The following SEMA6D variants were observed in gnomAD, a reference collection of about 807,000 sequenced individuals.
SEMA6D encodes the protein semaphorin 6D, also known as semaphorin-6D.
In SEMA6D, 35 loss-of-function variants were observed where a neutral mutation model predicts 106.6. The ratio of observed to expected loss-of-function variants is 0.33; its 90% CI spans 0.25 to 0.44. The LOEUF (loss-of-function observed/expected upper bound fraction) is 0.44, where lower values mean the gene tolerates loss of function less well. Ranked by LOEUF, SEMA6D falls within the 20% of genes least tolerant of loss-of-function variation. The pLI, the probability that SEMA6D is intolerant of heterozygous loss-of-function variation, is 1.00. For missense variants in SEMA6D, 1,185 were observed against 1,345.9 expected, an observed-to-expected ratio of 0.88 and a Z score of 1.87; for synonymous variants, 499 against 487.7, an observed-to-expected ratio of 1.02 and a Z score of -0.31.
intron 1 of SEMA6D, among the ~76,000 whole-genome samples, chr15:47,351,114 G>A (rs1267090216): frequency 2.0e-5 from 3 of 152,062 alleles, no homozygotes; most frequent in South Asian, 4.2e-4. Context: ...TCTTGTCTCT[G>A]TTTCTCTGCA....
intron 3 of SEMA6D, among the ~76,000 whole-genome samples, chr15:47,504,017 C>T (rs574167871): frequency 1.3e-5 from 2 of 152,216 alleles, no homozygotes; most frequent in East Asian, 1.9e-4. Flanking sequence ...GTAGGAACCC[C>T]GAGGCTCAGT....
intron 3 of SEMA6D, among the ~76,000 whole-genome samples, chr15:47,496,796 T>A (rs546480008): frequency 3.3e-5 from 5 of 152,178 alleles, no homozygotes; most frequent in Admixed American, 6.6e-5. Flanking sequence ...TCTCACCTAC[T>A]TGACCTTCAC....
chr15:47,506,293 G>A lies in SEMA6D; in HGVS notation c.-87+35748G>A, dbSNP rs2044035242. On this transcript the variant is annotated intron_variant, in intron 3 of 19. Coordinates refer to the SEMA6D transcript ENST00000558014. ...ATCTGATCTTAGAGGGCACCTTTAG[G>A]TTTGTTTTGCCTTTTCCTAAATCCA... is the stretch of plus-strand genomic sequence containing the variant. Among the ~76,000 whole-genome samples, 4 of 152,178 alleles carry A rather than the reference G, an allele frequency of 2.6e-5. No individual in the cohort carries two copies. The South Asian group carries it at 8.3e-4, about 32-fold the overall frequency.
At chr15:47,451,103 C>T (rs190138364) in intron 2 of SEMA6D, among the ~76,000 whole-genome samples, 3 of 152,188 alleles carry the variant, frequency 2.0e-5, no homozygotes, top group East Asian at 3.9e-4. Flanking sequence ...AGCAGTGATG[C>T]AGAGGCTTTC....
chr15:47,676,843 G>T (rs1396251705), intron 4 of SEMA6D, among the ~76,000 whole-genome samples: 1 of 152,146 alleles, frequency 6.6e-6, no homozygotes, highest in Non-Finnish European at 1.5e-5. Context: ...GGTCATAGAT[G>T]GTGGTTGGGG....
intron 3 of SEMA6D, among the ~76,000 whole-genome samples, chr15:47,493,863 T>C (rs2043550167): frequency 6.6e-6 from 1 of 152,150 alleles, no homozygotes; most frequent in African/African-American, 2.4e-5. Context: ...GGAAAGTGCA[T>C]TGGAGTTCTT....
intron 2 of SEMA6D, among the ~76,000 whole-genome samples, chr15:47,413,098 G>A (rs972270330): frequency 8.5e-5 from 13 of 152,104 alleles, no homozygotes; most frequent in African/African-American, 2.4e-4. Context: ...ATTTTGAAAA[G>A]GGAAGTCTCC....
chr15:47,765,601 A>G (rs6493294), intron 13 of SEMA6D: 119,432 of 533,888 alleles, frequency 0.22, 15,225 homozygotes, highest in Middle Eastern at 0.26. Context: ...TTTTATTTCT[A>G]TAGTCAAATG....
At chr15:47,692,322 G>A (rs1300626639) in intron 4 of SEMA6D, among the ~76,000 whole-genome samples, 5 of 152,070 alleles carry the variant, frequency 3.3e-5, no homozygotes, top group Admixed American at 1.3e-4. Flanking sequence ...TTATTCCACA[G>A]AGGTTTCCTT....
chr15:47,558,206 C>T (rs1000572754), intron 3 of SEMA6D, among the ~76,000 whole-genome samples: 8 of 152,068 alleles, frequency 5.3e-5, no homozygotes, highest in Non-Finnish European at 1.0e-4. Context: ...TATATTCTAT[C>T]ATTATATTCT....
chr15:47,342,408 A>T (rs1372451319), intron 1 of SEMA6D, among the ~76,000 whole-genome samples: 1 of 152,210 alleles, frequency 6.6e-6, no homozygotes, highest in African/African-American at 2.4e-5. Context: ...ATGGGCAATA[A>T]CATCTTGTTC....
chr15:47,722,033 C>A (rs186441443), intron 1 of SEMA6D, among the ~76,000 whole-genome samples: 1 of 152,102 alleles, frequency 6.6e-6, no homozygotes, highest in African/African-American at 2.4e-5. Context: ...AAAGTTAACA[C>A]CCAGAACGGG....
chr15:47,370,836 A>T (rs898471294), intron 1 of SEMA6D, among the ~76,000 whole-genome samples: 1 of 152,148 alleles, frequency 6.6e-6, no homozygotes, highest in African/African-American at 2.4e-5. Context: ...ACTGCACTCC[A>T]GCCTGGGTGA....
At chr15:47,671,146 C>G (rs1373990236) in intron 4 of SEMA6D, among the ~76,000 whole-genome samples, 4 of 152,014 alleles carry the variant, frequency 2.6e-5, no homozygotes, top group Non-Finnish European at 4.4e-5. Flanking sequence ...GAAAATGATG[C>G]TGAATTGAGT....
chr15:47,312,187 C>A, intron 1 of SEMA6D, among the ~76,000 whole-genome samples: 1 of 146,884 alleles, frequency 6.8e-6, no homozygotes, highest in Non-Finnish European at 1.5e-5. Context: ...TCACCTAAAA[C>A]ACTTCATTTT....
chr15:47,333,948 C>T (rs1452236852), intron 1 of SEMA6D, among the ~76,000 whole-genome samples: 1 of 152,162 alleles, frequency 6.6e-6, no homozygotes, highest in Non-Finnish European at 1.5e-5. Context: ...GTCAAAAAAC[C>T]CTCATTCCAG....
chr15:47,623,848 G>A (rs1596471014), intron 4 of SEMA6D, among the ~76,000 whole-genome samples: 1 of 152,184 alleles, frequency 6.6e-6, no homozygotes, highest in African/African-American at 2.4e-5. Flanking sequence ...TTCAAATCTT[G>A]CCCTCTCTAT....
intron 4 of SEMA6D, among the ~76,000 whole-genome samples, chr15:47,703,337 A>G (rs2145943382): frequency 1.3e-5 from 2 of 152,300 alleles, no homozygotes; most frequent in South Asian, 4.1e-4. Flanking sequence ...CAATAAAAAC[A>G]TTTTCATGCT....
chr15:47,771,476 G>A lies in SEMA6D; in HGVS notation c.2913G>A (p.Arg971=). The A allele has an allele frequency of 1.2e-6, 2 of 1,614,058 alleles. No homozygotes were observed. Among genetic ancestry groups the A allele is most frequent in the Non-Finnish European group, 1.7e-6 (2 of 1,180,008 alleles). ...QRGYHKNSSQ[R]HSISAMPKNL... ...GTTATCACAAAAATTCCTCCCAGAG[G>A]CACTCTATATCTGCTATGCCTAAAA... is the stretch of plus-strand genomic sequence containing the variant. Residue 971 remains arginine, a synonymous_variant, in exon 19 of 19, where the codon AGG becomes AGA. Transcript: ENST00000536845.
Sources: allele counts gnomAD v4.1 joint callset (sites outside exome capture counted in the v4.1 genomes callset), GRCh38; gene constraint gnomAD v4.1.1; transcripts MANE v1.5; gene names NCBI Gene and HGNC (gene_info 2026-07-23, HGNC 2026-07-21).